KLHL10: variants seen among roughly 807,000 people sequenced by gnomAD.
The protein encoded by KLHL10 is kelch like family member 10, also known as kelch-like protein 10.
A neutral mutation model predicts 46.6 loss-of-function variants in KLHL10; 11 were observed. The observed-to-expected ratio is 0.24, with a 90% CI of 0.15 to 0.39. The LOEUF is 0.39. KLHL10 is among the 10% of genes least tolerant of loss of function. The probability of loss-of-function intolerance (pLI) is 1.00; values close to 1 mark genes in which losing one functional copy is unlikely to be tolerated. For missense variants in KLHL10, 475 were observed against 789.8 expected (o/e 0.60, Z 4.78); for synonymous variants, 254 against 279.1 (o/e 0.91, Z 0.90).
chr17:41,835,842 G>A (rs1304104713), upstream of KLHL10: 3 of 1,596,724 alleles, frequency 1.9e-6, no homozygotes, highest in Admixed American at 3.4e-5. Flanking sequence ...GCCGGCCCCC[G>A]CACGCCCCAG....
At position 41,845,407 on chromosome 17, in the gene KLHL10, T is replaced by C. The variant is rs34933374; in HGVS notation, c.966T>C (p.Thr322=). 0.053 allele frequency: 85,880 copies of C among 1,614,174 alleles called. 2,698 individuals are homozygous for C. The highest frequency in any genetic ancestry group is 0.063 in the Non-Finnish European group (74,429 of 1,180,022). ...DARADRWVNV[T]CEEESPRAYH... ...GGGCAGACAGATGGGTGAATGTTACTTGTGAGGAAGAGAGTCCCCGTGCCT... is the reference window on the plus strand; with the variant it reads ...GGGCAGACAGATGGGTGAATGTTACCTGTGAGGAAGAGAGTCCCCGTGCCT... Residue 322 remains threonine (T), a synonymous_variant, in exon 3 of 5, where the codon ACT becomes ACC. Coordinates refer to ENST00000293303, the MANE Select transcript of KLHL10 (RefSeq NM_152467.5).
rs116420871 is a variant in KLHL10 at position 41,842,275 on chromosome 17, A to C, written c.647A>C (p.Gln216Pro). ...TTAAAGTGGATTTCTCATGACCCCC[A>C]AAATAGAAAGCAGCACATTTCAATT... ...AILKWISHDP[Q>P]NRKQHISILL... The change falls in exon 2 of 5, where the codon CAA (glutamine) becomes CCA (proline). Residue 216 changes from glutamine to proline, a missense_variant. Transcript: ENST00000293303. The C allele has an allele frequency of 6.6e-4, 1,070 of 1,614,166 alleles. 12 individuals carry two copies. The African/African-American group carries it at 0.012, about 19-fold the overall frequency.
At chr17:41,837,595 A>G (rs1369203141), upstream of KLHL10, 2 of 1,127,058 alleles carry the variant, frequency 1.8e-6, no homozygotes, top group African/African-American at 3.2e-5. Flanking sequence ...TCAGGTGAGT[A>G]ACAGGAGCTG....
In KLHL10 at chr17:41,841,976, A is replaced by G. The variant is rs2048231579; in HGVS notation, c.348A>G (p.Ala116=). 6.2e-7 allele frequency: 1 copy of G among 1,614,212 alleles called. No individual in the cohort carries two copies. Among genetic ancestry groups the G allele is most frequent in the Non-Finnish European group, 8.5e-7 (1 of 1,180,046 alleles). The change falls in exon 2 of 5, where the codon GCA becomes GCG. Residue 116 remains alanine (A), a synonymous_variant. Coordinates refer to ENST00000293303, the MANE Select transcript of KLHL10 (RefSeq NM_152467.5). ...PDNVEKLLAA[A]DQFNIMGIVR... ...ATGTGGAGAAACTGCTTGCTGCTGC[A>G]GACCAGTTTAACATCATGGGTATCG...
At chr17:41,838,979 G>A (rs928182872) in intron 1 of KLHL10, among the ~76,000 whole-genome samples, 2 of 151,876 alleles carry the variant, frequency 1.3e-5, no homozygotes, top group East Asian at 1.9e-4. Context: ...ATTAGCCACC[G>A]CGCCTGGCAA....
Position 41,842,129 on chromosome 17 carries a change from C to T in KLHL10, c.501C>T (p.Asn167=). The change falls in exon 2 of 5, where the codon AAC becomes AAT. Residue 167 remains asparagine (N), a synonymous_variant. Transcript: ENST00000293303. ...RQKAYMFILH[N]FEEMVKVSAE... Reference sequence around the variant, plus strand: ...AGGCCTACATGTTCATACTGCACAACTTTGAGGAGATGGTGAAAGTCTCGG... The same window carrying T: ...AGGCCTACATGTTCATACTGCACAATTTTGAGGAGATGGTGAAAGTCTCGG... The T allele has an allele frequency of 6.2e-7, 1 of 1,614,174 alleles. No individual in the cohort carries two copies. The highest frequency in any genetic ancestry group is 8.5e-7 in the Non-Finnish European group (1 of 1,180,034).
At chr17:41,847,159 A>T in intron 3 of KLHL10, 102 bp from the exon 4 acceptor site, 1 of 1,001,676 alleles carries the variant, frequency 1.0e-6, no homozygotes, top group Non-Finnish European at 1.6e-6. Context: ...AGAAATTCAG[A>T]CTGTACAGAC....
chr17:41,845,414 G>A lies in KLHL10; in HGVS notation c.973G>A (p.Glu325Lys). ...ADRWVNVTCE[E>K]ESPRAYHGAA... is the part of the protein sequence containing the mutation. ...CAGATGGGTGAATGTTACTTGTGAG[G>A]AAGAGAGTCCCCGTGCCTACCATGG... Residue 325 changes from glutamate to lysine, a missense_variant, in exon 3 of 5, where the codon GAA becomes AAA. Coordinates refer to ENST00000293303, the MANE Select transcript of KLHL10 (RefSeq NM_152467.5). The A allele has an allele frequency of 6.2e-7, 1 of 1,614,230 alleles. No homozygotes were observed. Among genetic ancestry groups the A allele is most frequent in the Non-Finnish European group, 8.5e-7 (1 of 1,180,046 alleles).
chr17:41,840,234 A>G (rs1464028363), intron 1 of KLHL10, among the ~76,000 whole-genome samples: 1 of 152,282 alleles, frequency 6.6e-6, no homozygotes, highest in East Asian at 1.9e-4. Context: ...CTTAGACAAT[A>G]CTAAATGAAT....
At position 41,845,729 on chromosome 17, in the gene KLHL10, A is replaced by G. The variant is rs1477412473; in HGVS notation, c.1288A>G (p.Thr430Ala). The G allele has an allele frequency of 6.2e-7, 1 of 1,613,994 alleles. No individual in the cohort carries two copies. The highest frequency in any genetic ancestry group is 8.5e-7 in the Non-Finnish European group (1 of 1,179,954). The change falls in exon 3 of 5, where the codon ACA becomes GCA. Residue 430 changes from threonine to alanine, a missense_variant. By Grantham distance (58) the Thr-to-Ala change is moderately conservative (BLOSUM62 0). Coordinates refer to ENST00000293303, the MANE Select transcript of KLHL10 (RefSeq NM_152467.5). The part of the protein sequence containing the change: ...HEQRSDASAT[T>A]LYGKVYICGG... The stretch of plus-strand genomic sequence containing the variant: ...ACAGAGGAGTGATGCAAGCGCCACA[A>G]CACTTTATGGGAAGGTAAAGGACCA...
intron 2 of KLHL10, among the ~76,000 whole-genome samples, chr17:41,843,824 C>A (rs563360221): frequency 5.4e-4 from 81 of 150,338 alleles, no homozygotes; most frequent in African/African-American, 1.9e-3. Flanking sequence ...TGCAGTGATG[C>A]GATCGCGGCT....
At chr17:41,847,850 A>G (rs1322444811) in intron 4 of KLHL10, 83 bp from the exon 5 acceptor site, 2 of 1,560,370 alleles carry the variant, frequency 1.3e-6, no homozygotes, top group African/African-American at 2.7e-5. Context: ...GAGTTATGAG[A>G]TCACTGGTAC....
chr17:41,841,808 CTTT>C lies in KLHL10; in HGVS notation c.195-14_195-12del. The C allele has an allele frequency of 6.2e-7, 1 of 1,614,134 alleles. No individual in the cohort carries two copies. The highest frequency in any genetic ancestry group is 8.5e-7 in the Non-Finnish European group (1 of 1,180,020). On this transcript the variant is annotated splice_polypyrimidine_tract_variant and intron_variant, in intron 1 of 4. Transcript: ENST00000293303. ...GAAATGTTTCCGTGGCTGCTAGTTT[CTTT>C]CTTTTTTCCAGAGCTTTGTTTACAA...
In KLHL10 at chr17:41,842,200, A is replaced by C; in HGVS notation, c.572A>C (p.Glu191Ala). The C allele has an allele frequency of 6.2e-7, 1 of 1,614,208 alleles. No individual in the cohort carries two copies. Residue 191 changes from glutamate (E) to alanine (A), a missense_variant, in exon 2 of 5, where the codon GAG becomes GCG. Physicochemically the swap from Glu to Ala is moderately radical, Grantham distance 107. Coordinates refer to ENST00000293303, the MANE Select transcript of KLHL10 (RefSeq NM_152467.5). ...GTCACTGAACTTAAGGATATCATTG[A>C]GAAAGATGAGCTCAATGTCAAACAG... is the stretch of plus-strand genomic sequence containing the variant. ...LSVTELKDII[E>A]KDELNVKQED...
chr17:41,836,022 C>A, upstream of KLHL10: 1 of 1,454,724 alleles, frequency 6.9e-7, no homozygotes, highest in Non-Finnish European at 9.1e-7. Context: ...GAGCCCGGGG[C>A]TCGCTCGGGC....
intron 2 of KLHL10, among the ~76,000 whole-genome samples, chr17:41,843,167 GC>G (rs1170169423): frequency 6.6e-6 from 1 of 151,540 alleles, no homozygotes; most frequent in African/African-American, 2.4e-5. Flanking sequence ...ATTCCTTTCA[GC>G]TTTTTTCCTT....
chr17:41,842,523 G>GGAAGAA (rs572240848), intron 2 of KLHL10, among the ~76,000 whole-genome samples: 250 of 152,272 alleles, frequency 1.6e-3, no homozygotes, highest in Non-Finnish European at 2.7e-3. Flanking sequence ...TGGTGGTGGG[G>GGAAGAA]GAAGAAGAGA....
Position 41,845,251 on chromosome 17 carries a change from C to T in KLHL10, c.810C>T (p.Asn270=). ...CCCTAAAGGCCATGTATGACCTCAA[C>T]ATGAATGGACCCTCTAATTCTGATT... is the stretch of plus-strand genomic sequence containing the variant. ...INALKAMYDL[N]MNGPSNSDFT... The change falls in exon 3 of 5, where the codon AAC becomes AAT. Residue 270 remains asparagine, a synonymous_variant. Coordinates refer to ENST00000293303, the MANE Select transcript of KLHL10 (RefSeq NM_152467.5). 2 of 1,614,216 alleles carry T rather than the reference C, an allele frequency of 1.2e-6. No homozygotes were observed. The highest frequency in any genetic ancestry group is 1.7e-6 in the Non-Finnish European group (2 of 1,180,046).
At chr17:41,835,915 C>T (rs1555619883), upstream of KLHL10, 1 of 1,606,006 alleles carries the variant, frequency 6.2e-7, no homozygotes. Flanking sequence ...TGCACCCGCC[C>T]AGGCTGCCGC....
Sources: gnomAD v4.1 joint callset for allele counts (sites outside exome capture counted in the v4.1 genomes callset) on GRCh38, gnomAD v4.1.1 for gene constraint, MANE v1.5 for transcripts, NCBI Gene and HGNC (gene_info 2026-07-23, HGNC 2026-07-21) for gene names.